The following SOS1 variants were observed in gnomAD, a reference collection of about 807,000 sequenced individuals.
SOS1 encodes the protein SOS Ras/Rac guanine nucleotide exchange factor 1.
A neutral mutation model predicts 157.6 loss-of-function variants in SOS1; 25 were observed. The ratio of observed to expected loss-of-function variants is 0.16; its 90% CI spans 0.12 to 0.22. The LOEUF (loss-of-function observed/expected upper bound fraction) is 0.22, where lower values mean the gene tolerates loss of function less well. Ranked by LOEUF, SOS1 falls within the 10% of genes least tolerant of loss-of-function variation. SOS1 has a pLI of 1.00. For synonymous variants in SOS1, 528 were observed against 534.0 expected (o/e 0.99, Z 0.16); for missense variants, 1,237 against 1,599.1 (o/e 0.77, Z 3.86).
At chr2:39,082,697 T>C (rs769019822) in intron 1 of SOS1, 1 of 152,166 alleles carries the variant, frequency 6.6e-6, no homozygotes, top group Non-Finnish European at 1.5e-5. Flanking sequence ...TACTTTTATT[T>C]TAATTTTTTT....
chr2:39,070,292 C>T (rs1363863080), intron 1 of SOS1, among the ~76,000 whole-genome samples: 1 of 152,214 alleles, frequency 6.6e-6, no homozygotes, highest in Non-Finnish European at 1.5e-5. Context: ...GTGAATGCTA[C>T]CACCACATGG....
Position 38,986,056 on chromosome 2 carries a change from G to A in SOS1, c.3770C>T (p.Thr1257Ile), listed in dbSNP as rs962478091. ...AFFPNSPSPF[T>I]PPPPQTPSPH... Reference sequence around the variant, plus strand: ...AGAAGGTGTTTGAGGAGGAGGTGGTGTAAAGGGGGAAGGGCTGTTTGGGAA... The same window carrying A: ...AGAAGGTGTTTGAGGAGGAGGTGGTATAAAGGGGGAAGGGCTGTTTGGGAA... Residue 1257 changes from threonine to isoleucine, a missense_variant, in exon 23 of 23, where the codon ACA (threonine) becomes ATA (isoleucine). By Grantham distance (89) the Thr-to-Ile change is moderately conservative. Transcript: ENST00000402219. 6 of 1,613,962 alleles carry A rather than the reference G, an allele frequency of 3.7e-6. No individual in the cohort carries two copies. In the East Asian group the frequency reaches 6.7e-5, roughly 18 times the overall value.
At chr2:38,990,676 A>G (rs867065039) in intron 20 of SOS1, among the ~76,000 whole-genome samples, 5 of 152,302 alleles carry the variant, frequency 3.3e-5, no homozygotes, top group South Asian at 2.1e-4. Flanking sequence ...AAATCAAAAC[A>G]CAAGCTCATG....
intron 1 of SOS1, among the ~76,000 whole-genome samples, chr2:39,107,797 A>T (rs914174661): frequency 6.6e-6 from 1 of 152,196 alleles, no homozygotes; most frequent in African/African-American, 2.4e-5. Context: ...GAATATGAAG[A>T]GATTCACTCT....
chr2:39,064,575 G>C (rs1033773508), intron 2 of SOS1, among the ~76,000 whole-genome samples: 1 of 151,932 alleles, frequency 6.6e-6, no homozygotes, highest in East Asian at 1.9e-4. Context: ...AGGGTCTCTT[G>C]ACCTTATTCC....
At chr2:39,117,003 T>C (rs1022051785) in intron 1 of SOS1, among the ~76,000 whole-genome samples, 1 of 152,090 alleles carries the variant, frequency 6.6e-6, no homozygotes, top group Non-Finnish European at 1.5e-5. Context: ...TGTTCTAATT[T>C]AGTCTTTTCT....
chr2:39,003,068 A>AAAAAAAAACAAC lies in SOS1; in HGVS notation c.2791+3343_2791+3344insGTTGTTTTTTTT, dbSNP rs764781736. On this transcript the variant is annotated intron_variant, in intron 17 of 22. Transcript: ENST00000402219. ...GGTGATAAAGTGAGACCTTGTATCA[A>AAAAAAAAACAAC]AAAAAAAAAAGAACGTAGGGGTAGG... 2.5e-4 allele frequency among the ~76,000 whole-genome samples: 29 copies of AAAAAAAAACAAC among 115,116 alleles called. 1 individual carries two copies. Among genetic ancestry groups the AAAAAAAAACAAC allele is most frequent in the Non-Finnish European group, 4.0e-4 (20 of 49,594 alleles). The allele number at this position is 115,116 out of a possible 152,430, so 75.5% of individuals were successfully genotyped here. A position where few individuals can be genotyped will look rare whatever the true frequency, so the allele number is the denominator to read the frequency against.
chr2:39,050,104 G>A (rs1670952603), intron 6 of SOS1, among the ~76,000 whole-genome samples: 1 of 152,084 alleles, frequency 6.6e-6, no homozygotes, highest in South Asian at 2.1e-4. Flanking sequence ...AGGAATGGAA[G>A]GGCTGTGGTG....
At chr2:39,005,402 G>T (rs967945263) in intron 17 of SOS1, among the ~76,000 whole-genome samples, 1 of 152,092 alleles carries the variant, frequency 6.6e-6, no homozygotes, top group South Asian at 2.1e-4. Flanking sequence ...AAAAAAGCTG[G>T]AAACAATGTG....
chr2:38,999,597 C>CT (rs986094676), intron 17 of SOS1, among the ~76,000 whole-genome samples: 2 of 152,156 alleles, frequency 1.3e-5, no homozygotes, highest in Non-Finnish European at 2.9e-5. Flanking sequence ...TAAGCACAGG[C>CT]TTTTTTATTT....
At chr2:39,115,783 A>G (rs1236785536) in intron 1 of SOS1, among the ~76,000 whole-genome samples, 1 of 152,134 alleles carries the variant, frequency 6.6e-6, no homozygotes, top group Admixed American at 6.6e-5. Flanking sequence ...TGTTTGTATC[A>G]CAATTTGCTT....
At chr2:39,032,349 A>G (rs1049322000) in intron 8 of SOS1, among the ~76,000 whole-genome samples, 4 of 152,210 alleles carry the variant, frequency 2.6e-5, no homozygotes, top group Non-Finnish European at 5.9e-5. Context: ...GTCTTATACT[A>G]TTAATAGCTA....
In SOS1 at chr2:38,983,039, C is replaced by T. The variant is rs1310721961; in HGVS notation, c.*2785G>A. The T allele has an allele frequency of 6.6e-6, 1 of 152,110 alleles. No individual in the cohort carries two copies. Among genetic ancestry groups the T allele is most frequent in the African/African-American group, 2.4e-5 (1 of 41,428 alleles). 9.4% of individuals were successfully genotyped at this position (152,110 alleles called of 1,614,324 possible). A position where few individuals can be genotyped will look rare whatever the true frequency, so the allele number is the denominator to read the frequency against. Reference sequence around the variant, plus strand: ...GCCCAACAACCTTTAATTAAGCGAACTCTCAATGTATGTTTCCTGATAATG... The same window carrying T: ...GCCCAACAACCTTTAATTAAGCGAATTCTCAATGTATGTTTCCTGATAATG... On this transcript the variant is annotated 3_prime_UTR_variant, in exon 23 of 23. Transcript: ENST00000402219.
chr2:39,115,187 G>C (rs1228020423), intron 1 of SOS1, among the ~76,000 whole-genome samples: 1 of 151,894 alleles, frequency 6.6e-6, no homozygotes, highest in Non-Finnish European at 1.5e-5. Context: ...AAAATTTCAG[G>C]ATATGTACAC....
chr2:39,086,836 G>A (rs889531791), intron 1 of SOS1, among the ~76,000 whole-genome samples: 15 of 151,400 alleles, frequency 9.9e-5, no homozygotes, highest in African/African-American at 1.9e-4. Context: ...TTTTTGAGAC[G>A]GAGTCTCATT....
intron 1 of SOS1, among the ~76,000 whole-genome samples, chr2:39,115,321 C>T (rs1673604041): frequency 6.6e-6 from 1 of 150,592 alleles, no homozygotes. Context: ...ATAGTATATA[C>T]TCTTTTTTGG....
intron 1 of SOS1, among the ~76,000 whole-genome samples, chr2:39,069,046 T>G (rs961094658): frequency 6.6e-6 from 1 of 151,552 alleles, no homozygotes; most frequent in Non-Finnish European, 1.5e-5. Context: ...CAGGGAAAAT[T>G]TTATAAACAG....
intron 6 of SOS1, among the ~76,000 whole-genome samples, chr2:39,045,867 C>A (rs1455086113): frequency 6.6e-6 from 1 of 152,058 alleles, no homozygotes; most frequent in Non-Finnish European, 1.5e-5. Context: ...CACCACCATG[C>A]CCAGCTAATT....
chr2:39,062,426 A>AG (rs1279002392), intron 2 of SOS1, among the ~76,000 whole-genome samples: 3 of 145,218 alleles, frequency 2.1e-5, no homozygotes, highest in Admixed American at 2.0e-4. Flanking sequence ...TCAAAATAAA[A>AG]AAAAAAATTA....
Sources: gnomAD v4.1 joint callset for allele counts (sites outside exome capture counted in the v4.1 genomes callset) on GRCh38, gnomAD v4.1.1 for gene constraint, MANE v1.5 for transcripts, NCBI Gene and HGNC (gene_info 2026-07-23, HGNC 2026-07-21) for gene names.